CC2D2B: variants seen among roughly 807,000 people sequenced by gnomAD.
CC2D2B encodes coiled-coil and C2 domain containing 2B.
A neutral mutation model predicts 161.2 loss-of-function variants in CC2D2B; 128 were observed. That is an observed-to-expected ratio of 0.79 (90% CI 0.69 to 0.92). The LOEUF is 0.92. CC2D2B is among the 40% of genes least tolerant of loss of function. The pLI, the probability that CC2D2B is intolerant of heterozygous loss-of-function variation, is 0.00. For synonymous variants in CC2D2B, 391 were observed against 449.8 expected (o/e 0.87, Z 1.65); for missense variants, 1,173 against 1,375.1 (o/e 0.85, Z 2.32).
intron 32 of CC2D2B, among the ~76,000 whole-genome samples, chr10:96,023,262 T>C (rs2079548317): frequency 6.6e-6 from 1 of 152,228 alleles, no homozygotes; most frequent in Admixed American, 6.5e-5. Flanking sequence ...TTCTTTCCTG[T>C]GGGCTCATGG....
intron 2 of CC2D2B, among the ~76,000 whole-genome samples, chr10:95,917,501 A>G (rs1173876871): frequency 6.6e-6 from 1 of 151,716 alleles, no homozygotes; most frequent in East Asian, 1.9e-4. Context: ...TTTTTGGTGA[A>G]AGCAATTTTC....
At position 95,985,096 on chromosome 10, in the gene CC2D2B, C is replaced by G. The variant is rs148206914; in HGVS notation, c.2286+1287C>G. 2.7e-3 allele frequency among the ~76,000 whole-genome samples: 417 copies of G among 152,144 alleles called. 2 individuals are homozygous for G. The highest frequency in any genetic ancestry group is 5.0e-3 in the Non-Finnish European group (343 of 67,996). ...ATTTGACAGAAGTTATGCAAAAACT[C>G]AACAGATAACATTTTGAAATATTTT... On this transcript the variant is annotated intron_variant, in intron 19 of 34. Coordinates refer to ENST00000646931, the MANE Select transcript of CC2D2B (RefSeq NM_001349008.3).
intron 2 of CC2D2B, among the ~76,000 whole-genome samples, chr10:95,918,363 T>C (rs1377364942): frequency 6.6e-6 from 1 of 152,204 alleles, no homozygotes; most frequent in Non-Finnish European, 1.5e-5. Context: ...TCCTTCATCT[T>C]TGACGATATT....
chr10:95,937,366 T>C (rs998327748), intron 6 of CC2D2B, among the ~76,000 whole-genome samples: 13 of 152,212 alleles, frequency 8.5e-5, no homozygotes, highest in African/African-American at 3.1e-4. Flanking sequence ...ATGAATAGAC[T>C]CATTAAATTT....
At chr10:95,941,693 A>G (rs1203956444) in intron 9 of CC2D2B, among the ~76,000 whole-genome samples, 1 of 152,110 alleles carries the variant, frequency 6.6e-6, no homozygotes, top group Non-Finnish European at 1.5e-5. Flanking sequence ...CCTGAAAATA[A>G]CAAGTGTTGG....
chr10:95,951,658 C>T (rs2076403815), intron 10 of CC2D2B, among the ~76,000 whole-genome samples: 1 of 152,086 alleles, frequency 6.6e-6, no homozygotes, highest in South Asian at 2.1e-4. Flanking sequence ...CTACAGATTT[C>T]TGCTTTATAG....
intron 9 of CC2D2B, among the ~76,000 whole-genome samples, chr10:95,942,076 A>G (rs549555156): frequency 2.1e-4 from 32 of 152,286 alleles, no homozygotes; most frequent in African/African-American, 7.7e-4. Flanking sequence ...CAGAAGAACA[A>G]ATTCTGCATG....
intron 26 of CC2D2B, among the ~76,000 whole-genome samples, chr10:96,010,577 G>A (rs191673407): frequency 6.6e-6 from 1 of 152,264 alleles, no homozygotes; most frequent in Admixed American, 6.5e-5. Context: ...TTTAATAGAG[G>A]TATGAGATAG....
At chr10:95,995,492 A>AGGT in intron 23 of CC2D2B, 127 bp downstream of exon 23, 1 of 532,910 alleles carries the variant, frequency 1.9e-6, no homozygotes, top group Non-Finnish European at 3.2e-6. Flanking sequence ...GACACAGTAA[A>AGGT]GGTGGCCTTT....
chr10:96,019,578 GA>G, intron 31 of CC2D2B, 123 bp from the exon 32 acceptor site: 1 of 1,011,498 alleles, frequency 9.9e-7, no homozygotes, highest in South Asian at 1.7e-5. Flanking sequence ...TCCTGCCTCA[GA>G]ACCCCGCTGG....
intron 19 of CC2D2B, 29 bp from the exon 20 acceptor site, chr10:95,988,221 A>G: frequency 3.2e-6 from 3 of 940,328 alleles, no homozygotes; most frequent in Non-Finnish European, 4.2e-6. Flanking sequence ...GTTACATTCA[A>G]GAAGTGAAAC....
chr10:95,974,557 G>A (rs1468953975), intron 17 of CC2D2B, among the ~76,000 whole-genome samples: 1 of 152,058 alleles, frequency 6.6e-6, no homozygotes, highest in Admixed American at 6.6e-5. Context: ...AATTATTTGT[G>A]GGATTACTAG....
At chr10:95,978,489 T>C (rs1489709471) in intron 17 of CC2D2B, among the ~76,000 whole-genome samples, 13 of 152,342 alleles carry the variant, frequency 8.5e-5, no homozygotes, top group Non-Finnish European at 1.8e-4. Context: ...CCCGAGTAGC[T>C]GAGACTGTAG....
chr10:95,932,106 G>C (rs1184505267), intron 6 of CC2D2B, among the ~76,000 whole-genome samples: 2 of 152,264 alleles, frequency 1.3e-5, no homozygotes, highest in Non-Finnish European at 2.9e-5. Flanking sequence ...AGCTCTTCTT[G>C]TTGCATCAAT....
rs1458063969 is a variant in CC2D2B at position 95,972,059 on chromosome 10, T to C, written c.1645-7T>C. 7 of 1,217,152 alleles carry C rather than the reference T, an allele frequency of 5.8e-6. No homozygotes were observed. The highest frequency in any genetic ancestry group is 6.3e-5 in the East Asian group (2 of 31,594). 75.4% of individuals were successfully genotyped at this position (1,217,152 alleles called of 1,614,324 possible). ...AGTGATCTATCAGCCATTTCTTTTA[T>C]ATTTAGGTTTATGAAAAAAGTAAAA... On this transcript the variant is annotated splice_polypyrimidine_tract_variant and splice_region_variant and intron_variant, in intron 15 of 34. Coordinates refer to ENST00000646931, the MANE Select transcript of CC2D2B (RefSeq NM_001349008.3).
At chr10:96,027,685 C>G (rs2079841164) in intron 34 of CC2D2B, among the ~76,000 whole-genome samples, 1 of 152,102 alleles carries the variant, frequency 6.6e-6, no homozygotes, top group South Asian at 2.1e-4. Context: ...ATAGTCAAAG[C>G]TATCCTAAGC....
intron 25 of CC2D2B, among the ~76,000 whole-genome samples, chr10:96,008,865 T>G (rs1022279689): frequency 1.3e-5 from 2 of 152,128 alleles, no homozygotes; most frequent in African/African-American, 4.8e-5. Context: ...CAGTGTGTTT[T>G]GAAGAGCAAG....
chr10:96,019,458 C>T (rs1590910096), intron 31 of CC2D2B, 121 bp downstream of exon 31: 1 of 1,059,288 alleles, frequency 9.4e-7, no homozygotes, highest in East Asian at 2.4e-5. Context: ...GGGCATGGGG[C>T]CGGGGCAATC....
At chr10:95,921,987 A>G in intron 2 of CC2D2B, 29 bp from the exon 3 acceptor site, 2 of 1,351,056 alleles carry the variant, frequency 1.5e-6, no homozygotes, top group Non-Finnish European at 2.0e-6. Context: ...AACAAGATGC[A>G]AGTTTAACCC....
Sources: gnomAD v4.1 joint callset for allele counts (sites outside exome capture counted in the v4.1 genomes callset) on GRCh38, gnomAD v4.1.1 for gene constraint, MANE v1.5 for transcripts, NCBI Gene and HGNC (gene_info 2026-07-23, HGNC 2026-07-21) for gene names.